The following FANCA variants were observed in gnomAD, a reference collection of about 807,000 sequenced individuals.
FANCA encodes the protein Fanconi anemia group A protein.
Under a neutral mutation model 194.3 loss-of-function variants are expected in FANCA, and 236 were observed. The observed-to-expected ratio is 1.21, with a 90% CI of 1.09 to 1.35. The LOEUF is 1.35. Among genes scored for constraint, FANCA ranks in the 40% most tolerant of loss-of-function variants. The probability of loss-of-function intolerance (pLI) is 0.00; values close to 1 mark genes in which losing one functional copy is unlikely to be tolerated. For synonymous variants in FANCA, 1,014 were observed against 715.8 expected (o/e 1.42, Z -6.65); for missense variants, 2,628 against 1,813.9 (o/e 1.45, Z -8.15).
At chr16:89,745,139 T>C in intron 35 of FANCA, 68 bp from the exon 36 acceptor site, 8 of 1,443,930 alleles carry the variant, frequency 5.5e-6, no homozygotes, top group Non-Finnish European at 7.5e-6. Flanking sequence ...GCCCCAGCCA[T>C]GACAAGCCCC....
chr16:89,803,409 A>T, intron 7 of FANCA, 68 bp from the exon 8 acceptor site: 1 of 1,403,394 alleles, frequency 7.1e-7, no homozygotes, highest in Non-Finnish European at 1.0e-6. Flanking sequence ...AATGGCACAG[A>T]CCATCCACTT....
chr16:89,746,730 A>T (rs747041289), intron 34 of FANCA, 42 bp from the exon 35 acceptor site: 19 of 1,603,566 alleles, frequency 1.2e-5, no homozygotes. Flanking sequence ...GTTTGTGAGG[A>T]CCCACAACTA....
At position 89,746,695 on chromosome 16, in the gene FANCA, G is replaced by T. The variant is rs199828703; in HGVS notation, c.3409-7C>A. 1 of 1,613,236 alleles carries T rather than the reference G, an allele frequency of 6.2e-7. No individual in the cohort carries two copies. The highest frequency in any genetic ancestry group is 1.3e-5 in the African/African-American group (1 of 74,924). ...GACAGGCGTTCAGGAGGCCCTGCAG[G>T]AGAGAACGCAGCAGGAGGTCAGCGG... On this transcript the variant is annotated splice_region_variant and splice_polypyrimidine_tract_variant and intron_variant, in intron 34 of 42. Transcript: ENST00000389301.
chr16:89,737,594 T>G lies in FANCA; in HGVS notation c.*1007A>C. 1 of 828,006 alleles carries G rather than the reference T, an allele frequency of 1.2e-6. No homozygotes were observed. The highest frequency in any genetic ancestry group is 2.1e-5 in the South Asian group (1 of 48,162). The allele number at this position is 828,006 out of a possible 1,614,324, so 51.3% of individuals were successfully genotyped here. On this transcript the variant is annotated 3_prime_UTR_variant, in exon 43 of 43. Coordinates refer to ENST00000389301, the MANE Select transcript of FANCA (RefSeq NM_000135.4). ...GGTTTCTTTAAAAACCATCCTGAAA[T>G]GCACACAGCTGATGAAGCCACGTGA...
intron 7 of FANCA, among the ~76,000 whole-genome samples, chr16:89,803,717 G>A (rs1287161992): frequency 6.6e-6 from 1 of 150,994 alleles, no homozygotes; most frequent in Non-Finnish European, 1.5e-5. Context: ...CCGCCTCCCA[G>A]GTTCAAGCAA....
chr16:89,800,825 G>A (rs960872991), intron 8 of FANCA, among the ~76,000 whole-genome samples: 2 of 152,040 alleles, frequency 1.3e-5, no homozygotes, highest in African/African-American at 4.8e-5. Flanking sequence ...GAGGTCAGGA[G>A]TTCTAGACCA....
At chr16:89,739,025 G>T (rs371280585) in intron 41 of FANCA, 51 bp from the exon 42 acceptor site, 78 of 1,614,000 alleles carry the variant, frequency 4.8e-5, no homozygotes, top group Non-Finnish European at 7.6e-6. Context: ...CAGAAACAGG[G>T]CTGGTGTGTC....
At chr16:89,789,136 G>A (rs997636973) in intron 14 of FANCA, among the ~76,000 whole-genome samples, 1 of 152,030 alleles carries the variant, frequency 6.6e-6, no homozygotes, top group African/African-American at 2.4e-5. Context: ...TCTTAGTTTA[G>A]TGGAAGCCCC....
At chr16:89,787,549 A>G (rs184497125) in intron 14 of FANCA, among the ~76,000 whole-genome samples, 1 of 152,182 alleles carries the variant, frequency 6.6e-6, no homozygotes, top group African/African-American at 2.4e-5. Flanking sequence ...CCAGGGCAAC[A>G]TAGTGAGACA....
chr16:89,792,798 A>C (rs1468175823), intron 11 of FANCA: 1 of 437,384 alleles, frequency 2.3e-6, no homozygotes, highest in African/African-American at 2.0e-5. Flanking sequence ...GATACAAAGC[A>C]AAAGGGGCAG....
At chr16:89,782,972 C>A (rs2039771727) in intron 16 of FANCA, 35 bp downstream of exon 16, 1 of 1,612,218 alleles carries the variant, frequency 6.2e-7, no homozygotes, top group South Asian at 1.1e-5. Context: ...TCTGCTGGGA[C>A]AGGTGTGAGG....
intron 11 of FANCA, among the ~76,000 whole-genome samples, chr16:89,794,062 T>C (rs953582184): frequency 3.4e-5 from 5 of 146,224 alleles, no homozygotes; most frequent in Non-Finnish European, 5.9e-5. Context: ...AAAGTTGTGT[T>C]TCAAAGCTTC....
intron 7 of FANCA, among the ~76,000 whole-genome samples, chr16:89,803,919 C>T (rs578257929): frequency 6.6e-6 from 1 of 151,984 alleles, no homozygotes; most frequent in East Asian, 1.9e-4. Context: ...CCACCCAGCC[C>T]AATTTTTTTC....
chr16:89,748,286 G>A (rs931592815), intron 33 of FANCA, among the ~76,000 whole-genome samples: 7 of 150,864 alleles, frequency 4.6e-5, no homozygotes, highest in East Asian at 2.0e-4. Flanking sequence ...AGGCAACAGC[G>A]GTAGTCAGAT....
chr16:89,786,170 C>G (rs1199601603), intron 14 of FANCA, among the ~76,000 whole-genome samples: 1 of 135,070 alleles, frequency 7.4e-6, no homozygotes, highest in Non-Finnish European at 1.5e-5. Flanking sequence ...AAGCACGTGC[C>G]ACCAAGCCCG....
chr16:89,746,959 C>A lies in FANCA; in HGVS notation c.3349-69G>T. 2.9e-6 allele frequency: 4 copies of A among 1,384,754 alleles called. No homozygotes were observed. In the South Asian group the frequency reaches 5.0e-5, roughly 17 times the overall value. The allele number at this position is 1,384,754 out of a possible 1,614,324, so 85.8% of individuals were successfully genotyped here. ...GAGGCGAGACCAACATGCAGAGTGG[C>A]TGCTGTGGATTCAGTTTTGAGAAAA... On this transcript the variant is annotated intron_variant, in intron 33 of 42. Coordinates refer to ENST00000389301, the MANE Select transcript of FANCA (RefSeq NM_000135.4).
In FANCA at chr16:89,737,765, G is replaced by A. The variant is rs377568154; in HGVS notation, c.*836C>T. 6.2e-7 allele frequency: 1 copy of A among 1,611,642 alleles called. No homozygotes were observed. The highest frequency in any genetic ancestry group is 8.5e-7 in the Non-Finnish European group (1 of 1,178,070). ...TCATCGTCGTCCCCCCGGGAGGTTGGAGCATCAGGGGCCTGGACTCACTGG... is the reference window on the plus strand; with the variant it reads ...TCATCGTCGTCCCCCCGGGAGGTTGAAGCATCAGGGGCCTGGACTCACTGG... On this transcript the variant is annotated 3_prime_UTR_variant, in exon 43 of 43. Coordinates refer to ENST00000389301, the MANE Select transcript of FANCA (RefSeq NM_000135.4).
chr16:89,780,739 G>T (rs911180395), intron 17 of FANCA, among the ~76,000 whole-genome samples: 5 of 151,714 alleles, frequency 3.3e-5, no homozygotes, highest in Admixed American at 6.6e-5. Flanking sequence ...GACCAGTCTC[G>T]GCCACACAGG....
chr16:89,737,755 C>G lies in FANCA; in HGVS notation c.*846G>C, dbSNP rs371468362. 1.1e-5 allele frequency: 17 copies of G among 1,610,414 alleles called. No individual in the cohort carries two copies. The highest frequency in any genetic ancestry group is 2.7e-5 in the African/African-American group (2 of 74,870). On this transcript the variant is annotated 3_prime_UTR_variant, in exon 43 of 43. Transcript: ENST00000389301. ...TTTCACATTGTCATCGTCGTCCCCC[C>G]GGGAGGTTGGAGCATCAGGGGCCTG...
Sources: gnomAD v4.1 joint callset for allele counts (sites outside exome capture counted in the v4.1 genomes callset) on GRCh38, gnomAD v4.1.1 for gene constraint, MANE v1.5 for transcripts, NCBI Gene and HGNC (gene_info 2026-07-23, HGNC 2026-07-21) for gene names.